Variants in LMX1A observed in about 807,000 individuals in gnomAD.
LMX1A encodes LIM homeobox transcription factor 1-alpha.
A neutral mutation model predicts 49.1 loss-of-function variants in LMX1A; 15 were observed. That is an observed-to-expected ratio of 0.31 (90% CI 0.20 to 0.47). The LOEUF (loss-of-function observed/expected upper bound fraction) is 0.47, where lower values mean the gene tolerates loss of function less well. Ranked by LOEUF, LMX1A falls within the 20% of genes least tolerant of loss-of-function variation. The probability of loss-of-function intolerance (pLI) is 1.00; values close to 1 mark genes in which losing one functional copy is unlikely to be tolerated. For missense variants in LMX1A, 372 were observed against 475.8 expected, an observed-to-expected ratio of 0.78 and a Z score of 2.03; for synonymous variants, 167 against 185.7, an observed-to-expected ratio of 0.90 and a Z score of 0.82.
intron 3 of LMX1A, among the ~76,000 whole-genome samples, chr1:165,334,162 A>G (rs1655831971): frequency 6.6e-6 from 1 of 152,208 alleles, no homozygotes; most frequent in African/African-American, 2.4e-5. Context: ...TTGAGTTAGT[A>G]TGAGTCATTT....
intron 3 of LMX1A, among the ~76,000 whole-genome samples, chr1:165,306,687 G>A (rs1333169399): frequency 1.3e-5 from 2 of 152,210 alleles, no homozygotes; most frequent in Non-Finnish European, 2.9e-5. Context: ...CTTCCCAAAT[G>A]TAGTCAGCAC....
chr1:165,215,312 C>A (rs951015101), intron 4 of LMX1A, among the ~76,000 whole-genome samples: 2 of 152,116 alleles, frequency 1.3e-5, no homozygotes, highest in Admixed American at 1.3e-4. Context: ...AGACTCTTGT[C>A]TCCAAAACAA....
chr1:165,213,721 G>A lies in LMX1A; in HGVS notation c.589C>T (p.Arg197Cys), dbSNP rs1181426284. The A allele has an allele frequency of 1.2e-6, 2 of 1,614,220 alleles. No individual in the cohort carries two copies. The highest frequency in any genetic ancestry group is 1.3e-5 in the African/African-American group (1 of 75,054). ...TGAGTTGTCAAGATGGTTCTCGGAC[G>A]TTTGGGGCGCTTATGGTCCTTGCCT... ...EEGKDHKRPK[R>C]PRTILTTQQR... is the part of the protein sequence containing the mutation. Residue 197 changes from arginine to cysteine, a missense_variant, in exon 5 of 9, where the codon CGT becomes TGT. Arg to Cys is a radical substitution (Grantham distance 180). Coordinates refer to ENST00000342310, the MANE Select transcript of LMX1A (RefSeq NM_177398.4).
chr1:165,318,497 G>C (rs1391348652), intron 3 of LMX1A, among the ~76,000 whole-genome samples: 4 of 152,040 alleles, frequency 2.6e-5, no homozygotes, highest in African/African-American at 9.7e-5. Flanking sequence ...AGGACTCCAA[G>C]CCATTTGCTC....
At chr1:165,249,694 C>T (rs1652986598) in intron 3 of LMX1A, 54 bp from the exon 4 acceptor site, 3 of 1,384,552 alleles carry the variant, frequency 2.2e-6, no homozygotes, top group Non-Finnish European at 3.0e-6. Flanking sequence ...CTGGCTTGGT[C>T]CTGGGTCTCC....
chr1:165,310,102 C>T (rs1160762066), intron 3 of LMX1A, among the ~76,000 whole-genome samples: 1 of 152,196 alleles, frequency 6.6e-6, no homozygotes. Context: ...CACAGAGTTT[C>T]AGTCTCTCTG....
At chr1:165,312,692 G>A (rs1323757439) in intron 3 of LMX1A, among the ~76,000 whole-genome samples, 1 of 152,184 alleles carries the variant, frequency 6.6e-6, no homozygotes, top group Admixed American at 6.5e-5. Context: ...CAAGAGCCAG[G>A]ACCAACTTAA....
intron 4 of LMX1A, among the ~76,000 whole-genome samples, chr1:165,226,784 A>G (rs374934066): frequency 5.3e-5 from 8 of 152,238 alleles, no homozygotes; most frequent in African/African-American, 1.9e-4. Flanking sequence ...TATTTTCCCA[A>G]TGAAGGAGTT....
chr1:165,258,398 C>T (rs950336589), intron 3 of LMX1A, among the ~76,000 whole-genome samples: 1 of 152,200 alleles, frequency 6.6e-6, no homozygotes, highest in Non-Finnish European at 1.5e-5. Flanking sequence ...AACAACACCA[C>T]AATAAGCAAC....
At chr1:165,353,306 T>G (rs1214712912) in intron 2 of LMX1A, 44 bp from the exon 3 acceptor site, 1 of 1,559,996 alleles carries the variant, frequency 6.4e-7, no homozygotes, top group Non-Finnish European at 8.7e-7. Context: ...CCCGGGCAGG[T>G]AGACCATGCC....
intron 3 of LMX1A, among the ~76,000 whole-genome samples, chr1:165,288,208 T>C (rs1180030623): frequency 1.3e-5 from 2 of 152,192 alleles, no homozygotes; most frequent in South Asian, 2.1e-4. Flanking sequence ...GGGTTGGGCC[T>C]GCTTGGATGA....
chr1:165,250,182 C>T (rs989947472), intron 3 of LMX1A, among the ~76,000 whole-genome samples: 2 of 152,044 alleles, frequency 1.3e-5, no homozygotes, highest in Non-Finnish European at 2.9e-5. Context: ...TCATGGCACA[C>T]GTTTACCTAG....
intron 4 of LMX1A, among the ~76,000 whole-genome samples, chr1:165,214,566 C>T (rs145226743): frequency 2.2e-4 from 33 of 152,272 alleles, no homozygotes; most frequent in African/African-American, 7.5e-4. Context: ...CACTGAGTGC[C>T]CTAAATGCCA....
Position 165,210,482 on chromosome 1 carries a change from A to C in LMX1A, c.747+217T>G, listed in dbSNP as rs116089065. On this transcript the variant is annotated intron_variant, in intron 6 of 8. Coordinates refer to ENST00000342310, the MANE Select transcript of LMX1A (RefSeq NM_177398.4). ...AAAACCACAGTCATGGCTGCTAGGA[A>C]AATACAAGCAATTTCACTAAAATGA... 1,167 of 403,048 alleles carry C rather than the reference A, an allele frequency of 2.9e-3. 8 individuals are homozygous for C. The highest frequency in any genetic ancestry group is 0.022 in the African/African-American group (1,064 of 49,162). The allele number at this position is 403,048 out of a possible 1,614,324, so 25.0% of individuals were successfully genotyped here.
intron 4 of LMX1A, among the ~76,000 whole-genome samples, chr1:165,239,078 T>C (rs11333823): frequency 0.042 from 1 of 24 alleles, no homozygotes; most frequent in Non-Finnish European, 0.056. Flanking sequence ...GAAAAAATCA[T>C]GATGTGATCA....
chr1:165,343,580 C>A (rs78974177), intron 3 of LMX1A, among the ~76,000 whole-genome samples: 4 of 152,116 alleles, frequency 2.6e-5, no homozygotes, highest in Admixed American at 1.3e-4. Context: ...ATAGGACATG[C>A]GTTTCAAATT....
At chr1:165,274,005 G>A (rs1557870266) in intron 3 of LMX1A, among the ~76,000 whole-genome samples, 1 of 152,178 alleles carries the variant, frequency 6.6e-6, no homozygotes, top group Non-Finnish European at 1.5e-5. Context: ...ATTCCTCACA[G>A]CCACCCTTTG....
At chr1:165,343,942 A>C (rs1490471547) in intron 3 of LMX1A, among the ~76,000 whole-genome samples, 1 of 152,206 alleles carries the variant, frequency 6.6e-6, no homozygotes, top group Non-Finnish European at 1.5e-5. Flanking sequence ...TGTCCATCCC[A>C]ATGTGAATTA....
chr1:165,327,462 C>A (rs1359454856), intron 3 of LMX1A, among the ~76,000 whole-genome samples: 1 of 152,222 alleles, frequency 6.6e-6, no homozygotes, highest in Non-Finnish European at 1.5e-5. Context: ...GCCCTCTGAG[C>A]GTGCAGAACC....
Sources: gnomAD v4.1 joint callset for allele counts (sites outside exome capture counted in the v4.1 genomes callset) on GRCh38, gnomAD v4.1.1 for gene constraint, MANE v1.5 for transcripts, NCBI Gene and HGNC (gene_info 2026-07-23, HGNC 2026-07-21) for gene names.